WDPCP: variants seen among roughly 807,000 people sequenced by gnomAD.
WDPCP encodes the protein WD repeat-containing and planar cell polarity effector protein fritz homolog.
In WDPCP, 71 loss-of-function variants were observed where a neutral mutation model predicts 93.1. The ratio of observed to expected loss-of-function variants is 0.76; its 90% CI spans 0.63 to 0.93. The LOEUF (loss-of-function observed/expected upper bound fraction) is 0.93. WDPCP is among the 40% of genes least tolerant of loss of function. WDPCP has a pLI of 0.00. For synonymous variants in WDPCP, 315 were observed against 315.0 expected, an observed-to-expected ratio of 1.00 and a Z score of 0.00; for missense variants, 844 against 887.4, an observed-to-expected ratio of 0.95 and a Z score of 0.62.
intron 3 of WDPCP, chr2:63,605,399 G>A (rs1000788305): frequency 3.8e-6 from 6 of 1,581,178 alleles, no homozygotes; most frequent in Non-Finnish European, 5.2e-6. Flanking sequence ...CAGAGGTAAG[G>A]ATTTAGTGAT....
chr2:63,574,509 C>G (rs1444881610), intron 1 of WDPCP, among the ~76,000 whole-genome samples: 1 of 152,010 alleles, frequency 6.6e-6, no homozygotes, highest in African/African-American at 2.4e-5. Flanking sequence ...GCTTTTATAC[C>G]AAGAACATCA....
intron 13 of WDPCP, among the ~76,000 whole-genome samples, chr2:63,279,387 A>T (rs562853132): frequency 3.9e-5 from 6 of 152,320 alleles, no homozygotes. Flanking sequence ...AAATGCAGAA[A>T]AAGGATTAGA....
chr2:63,210,698 T>A (rs1163042315), intron 14 of WDPCP, among the ~76,000 whole-genome samples: 1 of 152,196 alleles, frequency 6.6e-6, no homozygotes, highest in African/African-American at 2.4e-5. Context: ...GGGAATTCCC[T>A]TTCCCAGCCA....
Position 63,492,866 on chromosome 2 carries a change from T to A in WDPCP, c.150A>T (p.Leu50Phe). The part of the protein sequence containing the change: ...ELHLWSLKNT[L>F]HIADRDIGIY... ...CCAGAGCTCATTTACCCGCAATGTG[T>A]AAGGTATTCTTCAAAGACCACAGGT... Residue 50 changes from leucine (L) to phenylalanine (F), a missense_variant, in exon 2 of 18, where the codon TTA (leucine) becomes TTT (phenylalanine). Physicochemically the swap from Leu to Phe is conservative, Grantham distance 22 (BLOSUM62 0). Coordinates refer to ENST00000272321, the MANE Select transcript of WDPCP (RefSeq NM_015910.7). 1 of 1,613,648 alleles carries A rather than the reference T, an allele frequency of 6.2e-7. No homozygotes were observed. Among genetic ancestry groups the A allele is most frequent in the Non-Finnish European group, 8.5e-7 (1 of 1,179,832 alleles).
At chr2:63,325,198 G>T (rs1043284175) in intron 12 of WDPCP, among the ~76,000 whole-genome samples, 3 of 152,148 alleles carry the variant, frequency 2.0e-5, no homozygotes, top group African/African-American at 7.2e-5. Flanking sequence ...AAACCTTGGT[G>T]GTTCAGAGAG....
chr2:63,431,102 G>A (rs1373418947), intron 9 of WDPCP, among the ~76,000 whole-genome samples: 1 of 152,116 alleles, frequency 6.6e-6, no homozygotes, highest in Non-Finnish European at 1.5e-5. Context: ...ATTTGGTTCA[G>A]TATGTGGGCT....
Position 63,139,647 on chromosome 2 carries a change from G to A in WDPCP, c.2190+13267C>T, listed in dbSNP as rs369813477. 9.9e-5 allele frequency among the ~76,000 whole-genome samples: 15 copies of A among 152,244 alleles called. No individual in the cohort carries two copies. The East Asian group carries it at 2.1e-3, about 22-fold the overall frequency. Reference sequence around the variant, plus strand: ...TGAGAATTGTCCATTCATGTCCTTAGCCCACTTTTTTATGGGATTGTTTTT... The same window carrying A: ...TGAGAATTGTCCATTCATGTCCTTAACCCACTTTTTTATGGGATTGTTTTT... On this transcript the variant is annotated intron_variant, in intron 17 of 17. Transcript: ENST00000272321.
intron 10 of WDPCP, among the ~76,000 whole-genome samples, chr2:63,387,941 G>A: frequency 6.6e-6 from 1 of 151,990 alleles, no homozygotes; most frequent in Non-Finnish European, 1.5e-5. Flanking sequence ...TCTACAACAG[G>A]AATTACAAAA....
chr2:63,250,238 T>C (rs1167732422), intron 14 of WDPCP, among the ~76,000 whole-genome samples: 2 of 152,174 alleles, frequency 1.3e-5, no homozygotes, highest in East Asian at 3.8e-4. Flanking sequence ...AAGTGACTTA[T>C]GGGCAGGTGG....
At chr2:63,537,153 T>C (rs538083184) in intron 1 of WDPCP, among the ~76,000 whole-genome samples, 1 of 152,328 alleles carries the variant, frequency 6.6e-6, no homozygotes, top group Non-Finnish European at 1.5e-5. Context: ...ACCAACCACC[T>C]AGTTATCTTT....
intron 2 of WDPCP, among the ~76,000 whole-genome samples, chr2:63,720,277 TATGGCG>T (rs1378170348): frequency 2.6e-5 from 4 of 151,604 alleles, no homozygotes; most frequent in Non-Finnish European, 5.9e-5. Context: ...TTTAGCCAGG[TATGGCG>T]GTGTGCGCCT....
intron 2 of WDPCP, among the ~76,000 whole-genome samples, chr2:63,720,815 G>T (rs1669404676): frequency 6.6e-6 from 1 of 152,124 alleles, no homozygotes; most frequent in African/African-American, 2.4e-5. Flanking sequence ...AAAATCATCA[G>T]AACAAGGAAC....
At chr2:63,142,821 T>A (rs1255786445) in intron 17 of WDPCP, among the ~76,000 whole-genome samples, 2 of 52,494 alleles carry the variant, frequency 3.8e-5, no homozygotes, top group African/African-American at 1.7e-4. Flanking sequence ...GTTAGGGGTG[T>A]GTGTGTGTGT....
chr2:63,731,761 G>C (rs936735916), intron 2 of WDPCP, among the ~76,000 whole-genome samples: 1 of 152,196 alleles, frequency 6.6e-6, no homozygotes, highest in African/African-American at 2.4e-5. Context: ...TCTGATTTTA[G>C]TCTTCAAAAG....
At chr2:63,315,591 T>G (rs6748269) in intron 12 of WDPCP, among the ~76,000 whole-genome samples, 2,446 of 152,150 alleles carry the variant, frequency 0.016, 55 homozygotes, top group African/African-American at 0.053. Context: ...AATAATTGAA[T>G]TATTAAAGTA....
intron 12 of WDPCP, chr2:63,369,605 G>A (rs2104760650): frequency 4.6e-6 from 2 of 436,218 alleles, no homozygotes; most frequent in Non-Finnish European, 9.2e-6. Context: ...CTAATGTCTA[G>A]GGTGAAGAAA....
chr2:63,760,423 C>A (rs1670039931), intron 2 of WDPCP, among the ~76,000 whole-genome samples: 1 of 152,054 alleles, frequency 6.6e-6, no homozygotes. Flanking sequence ...TTCCTTTCAA[C>A]ATGAAATCTG....
chr2:63,465,284 G>C (rs1441964218), intron 6 of WDPCP, among the ~76,000 whole-genome samples: 3 of 151,986 alleles, frequency 2.0e-5, no homozygotes, highest in African/African-American at 7.2e-5. Flanking sequence ...ATAAAAACTG[G>C]CACAAATAGA....
intron 1 of WDPCP, among the ~76,000 whole-genome samples, chr2:63,552,585 T>C (rs990635206): frequency 5.3e-5 from 8 of 152,294 alleles, no homozygotes; most frequent in South Asian, 2.1e-4. Context: ...TATGGGTATA[T>C]TGCGTGATGC....
Sources: allele counts gnomAD v4.1 joint callset (sites outside exome capture counted in the v4.1 genomes callset), GRCh38; gene constraint gnomAD v4.1.1; transcripts MANE v1.5; gene names NCBI Gene and HGNC (gene_info 2026-07-23, HGNC 2026-07-21).